Variants in CSMD1 observed in about 807,000 individuals in gnomAD.
CSMD1 encodes CUB and sushi domain-containing protein 1.
In CSMD1, 213 loss-of-function variants were observed where a neutral mutation model predicts 417.5. The observed-to-expected ratio is 0.51, with a 90% CI of 0.46 to 0.57. The LOEUF (loss-of-function observed/expected upper bound fraction) is 0.57, where lower values mean the gene tolerates loss of function less well. Ranked by LOEUF, CSMD1 falls within the 20% of genes least tolerant of loss-of-function variation. CSMD1 has a pLI of 0.00. For missense variants in CSMD1, 6,923 were observed against 4,529.7 expected (o/e 1.53, Z -15.17); for synonymous variants, 2,862 against 1,736.8 (o/e 1.65, Z -16.11).
intron 7 of CSMD1, among the ~76,000 whole-genome samples, chr8:3,699,973 G>A (rs924597847): frequency 6.8e-6 from 1 of 147,104 alleles, no homozygotes; most frequent in African/African-American, 2.5e-5. Flanking sequence ...ACATCCCTGG[G>A]TTATTCAATT....
Position 4,735,765 on chromosome 8 carries a change from C to G in CSMD1, c.86-98207G>C, listed in dbSNP as rs1328805362. Among the ~76,000 whole-genome samples the G allele has an allele frequency of 3.3e-5, 5 of 152,102 alleles. No individual in the cohort carries two copies. In the East Asian group the frequency reaches 9.6e-4, roughly 29 times the overall value. ...AAGGACTGTTAGTCTTCCTAGTTGT[C>G]AGCCGAGGATTTGAATTTTAGAGGA... On this transcript the variant is annotated intron_variant, in intron 1 of 69. Transcript: ENST00000635120.
chr8:4,396,022 A>C (rs1374212175), intron 3 of CSMD1, among the ~76,000 whole-genome samples: 1 of 152,182 alleles, frequency 6.6e-6, no homozygotes, highest in Non-Finnish European at 1.5e-5. Flanking sequence ...ATTTTGTTCT[A>C]ATTCTATAGA....
intron 38 of CSMD1, among the ~76,000 whole-genome samples, chr8:3,160,729 G>A (rs1290365578): frequency 6.6e-6 from 1 of 152,202 alleles, no homozygotes; most frequent in Non-Finnish European, 1.5e-5. Flanking sequence ...ATACTAAAGT[G>A]TGCCAGTTAT....
rs2116818958 is a variant in CSMD1, at chr8:3,214,676, G to A, written c.4688C>T (p.Ala1563Val). 3 of 1,550,514 alleles carry A rather than the reference G, an allele frequency of 1.9e-6. 1 individual carries two copies. The Admixed American group carries it at 5.9e-5, about 31-fold the overall frequency. Residue 1563 changes from alanine (A) to valine (V), a missense_variant, in exon 30 of 70, where the codon GCT (alanine) becomes GTT (valine). Coordinates refer to ENST00000635120, the MANE Select transcript of CSMD1 (RefSeq NM_033225.6). ...CATTATATTTCCTGGGTCAAAACAA[G>A]CTTCCCGTGGTTTCTCTGTGGAAGA... Reference protein sequence around the residue: ...AIEFKEKPREACFDPGNIMNG... With the variant: ...AIEFKEKPREVCFDPGNIMNG...
At chr8:4,381,739 C>T (rs760656883) in intron 3 of CSMD1, among the ~76,000 whole-genome samples, 9 of 152,168 alleles carry the variant, frequency 5.9e-5, no homozygotes, top group Non-Finnish European at 8.8e-5. Flanking sequence ...CTTTAGGCTT[C>T]GATGCTATGT....
chr8:3,229,942 G>C, intron 27 of CSMD1, 98 bp downstream of exon 27: 1 of 882,768 alleles, frequency 1.1e-6, no homozygotes. Flanking sequence ...AAACTCTTGA[G>C]AAATATTTCT....
chr8:3,098,917 T>C (rs1006581533), intron 46 of CSMD1, among the ~76,000 whole-genome samples: 2 of 152,024 alleles, frequency 1.3e-5, no homozygotes, highest in East Asian at 1.9e-4. Context: ...TAAAGCACTA[T>C]GTGGGCAGAA....
chr8:3,910,900 C>T (rs1453883352), intron 5 of CSMD1, among the ~76,000 whole-genome samples: 1 of 151,786 alleles, frequency 6.6e-6, no homozygotes, highest in Non-Finnish European at 1.5e-5. Flanking sequence ...TAAGTGCTTC[C>T]TACACAGTAT....
In CSMD1 at chr8:4,923,784, T is replaced by A. The variant is rs139987560; in HGVS notation, c.85+70548A>T. Among the ~76,000 whole-genome samples the A allele has an allele frequency of 4.7e-3, 715 of 152,274 alleles. 3 individuals carry two copies. The highest frequency in any genetic ancestry group is 0.016 in the African/African-American group (675 of 41,564). ...TCTATTATATATCTCCAAGATTCAG[T>A]GTCCCAATGGTAGAAATATAATAAT... On this transcript the variant is annotated intron_variant, in intron 1 of 69. Transcript: ENST00000635120.
At chr8:3,763,886 C>T (rs1265275859) in intron 5 of CSMD1, among the ~76,000 whole-genome samples, 2 of 152,180 alleles carry the variant, frequency 1.3e-5, no homozygotes, top group Non-Finnish European at 2.9e-5. Flanking sequence ...GCACCCCTGA[C>T]TGGAGATGCC....
chr8:3,650,063 G>C (rs1347760924), intron 7 of CSMD1, among the ~76,000 whole-genome samples: 2 of 152,164 alleles, frequency 1.3e-5, no homozygotes, highest in Non-Finnish European at 2.9e-5. Context: ...CAGACCACTT[G>C]AGGTCAAGAG....
At chr8:2,977,330 T>A (rs1805013270) in intron 55 of CSMD1, among the ~76,000 whole-genome samples, 1 of 152,174 alleles carries the variant, frequency 6.6e-6, no homozygotes, top group Non-Finnish European at 1.5e-5. Flanking sequence ...CAGCTCCTAC[T>A]TATAAGTGAG....
chr8:3,248,255 C>A (rs145912420), intron 26 of CSMD1, among the ~76,000 whole-genome samples: 1 of 152,162 alleles, frequency 6.6e-6, no homozygotes, highest in Non-Finnish European at 1.5e-5. Context: ...TTTTAACTTG[C>A]AATTAGGGTG....
intron 5 of CSMD1, among the ~76,000 whole-genome samples, chr8:3,839,078 G>A (rs1267575525): frequency 8.4e-5 from 10 of 118,620 alleles, no homozygotes; most frequent in South Asian, 7.5e-4. Flanking sequence ...ATATAGCCTA[G>A]GCTATATATA....
At chr8:3,159,815 C>G (rs1403234125) in intron 38 of CSMD1, among the ~76,000 whole-genome samples, 1 of 152,148 alleles carries the variant, frequency 6.6e-6, no homozygotes, top group Non-Finnish European at 1.5e-5. Flanking sequence ...ATTCAATAAT[C>G]CATTATAAGA....
chr8:4,809,683 C>G (rs1798785972), intron 1 of CSMD1, among the ~76,000 whole-genome samples: 2 of 152,154 alleles, frequency 1.3e-5, no homozygotes, highest in East Asian at 1.9e-4. Flanking sequence ...AAGGCTAAAA[C>G]TGAGTTTGAT....
At chr8:4,467,267 G>C (rs887789119) in intron 2 of CSMD1, among the ~76,000 whole-genome samples, 1 of 151,966 alleles carries the variant, frequency 6.6e-6, no homozygotes, top group East Asian at 1.9e-4. Flanking sequence ...ACTTCAATTC[G>C]TGTTCAATTA....
At chr8:3,900,765 G>A (rs929792816) in intron 5 of CSMD1, among the ~76,000 whole-genome samples, 1 of 151,732 alleles carries the variant, frequency 6.6e-6, no homozygotes, top group South Asian at 2.1e-4. Flanking sequence ...TGACAGTACA[G>A]CTGGGTGACA....
intron 2 of CSMD1, among the ~76,000 whole-genome samples, chr8:4,448,860 T>C (rs1318801483): frequency 1.3e-5 from 2 of 152,198 alleles, no homozygotes; most frequent in Non-Finnish European, 2.9e-5. Context: ...TTCTGATGTG[T>C]ATCCAATTCT....
Sources: allele counts gnomAD v4.1 joint callset (sites outside exome capture counted in the v4.1 genomes callset), GRCh38; gene constraint gnomAD v4.1.1; transcripts MANE v1.5; gene names NCBI Gene and HGNC (gene_info 2026-07-23, HGNC 2026-07-21).